Variants in SEC23A observed in about 807,000 individuals in gnomAD.
SEC23A encodes the protein SEC23 homolog A, COPII component, also known as protein transport protein Sec23A.
In SEC23A, 56 loss-of-function variants were observed where a neutral mutation model predicts 103.7. The observed-to-expected ratio is 0.54, with a 90% CI of 0.44 to 0.67. The LOEUF is 0.67. Ranked by LOEUF, SEC23A falls within the 30% of genes least tolerant of loss-of-function variation. The probability of loss-of-function intolerance (pLI) is 0.00; values close to 1 mark genes in which losing one functional copy is unlikely to be tolerated. For synonymous variants in SEC23A, 281 were observed against 293.0 expected (o/e 0.96, Z 0.42); for missense variants, 784 against 936.4 (o/e 0.84, Z 2.12).
Position 39,033,184 on chromosome 14 carries a change from A to C in SEC23A, c.*55T>G. On this transcript the variant is annotated 3_prime_UTR_variant, in exon 20 of 20. Transcript: ENST00000307712. ...CCACAGATAAATGGAAAAAGGAAAA[A>C]ATGAAATTTGAATATTATTTCATCT... The C allele has an allele frequency of 3.7e-6, 5 of 1,341,098 alleles. No individual in the cohort carries two copies. The highest frequency in any genetic ancestry group is 1.8e-4 in the Middle Eastern group (1 of 5,514). The allele number at this position is 1,341,098 out of a possible 1,614,324, so 83.1% of individuals were successfully genotyped here.
In SEC23A at chr14:39,042,774, T is replaced by C. The variant is rs779247642; in HGVS notation, c.1986+12A>G. 2.2e-5 allele frequency: 34 copies of C among 1,559,708 alleles called. No homozygotes were observed. Among genetic ancestry groups the C allele is most frequent in the African/African-American group, 9.5e-5 (7 of 73,718 alleles). The stretch of plus-strand genomic sequence containing the variant: ...TTTACATGCATAGCTTTAAATGCTA[T>C]TGAAATCTTACCTCACCATGATAAA... On this transcript the variant is annotated intron_variant, in intron 17 of 19. Transcript: ENST00000307712.
chr14:39,067,559 G>A (rs1000481003), intron 9 of SEC23A, among the ~76,000 whole-genome samples: 1 of 151,508 alleles, frequency 6.6e-6, no homozygotes, highest in Non-Finnish European at 1.5e-5. Flanking sequence ...TCTTTAAATA[G>A]GCAATATATC....
intron 14 of SEC23A, among the ~76,000 whole-genome samples, chr14:39,050,883 G>A (rs1277362996): frequency 6.6e-6 from 1 of 152,188 alleles, no homozygotes; most frequent in Non-Finnish European, 1.5e-5. Flanking sequence ...ACAAGGGACT[G>A]AGAATAGAGG....
intron 18 of SEC23A, chr14:39,039,704 C>T (rs1885573468): frequency 1.3e-5 from 2 of 152,556 alleles, no homozygotes; most frequent in Admixed American, 6.5e-5. Context: ...TAGTATCATA[C>T]AAAATCTTTT....
At chr14:39,073,603 C>CTTTTTTT (rs905464578) in intron 9 of SEC23A, among the ~76,000 whole-genome samples, 1 of 83,892 alleles carries the variant, frequency 1.2e-5, no homozygotes, top group Non-Finnish European at 2.3e-5. Flanking sequence ...TCTGATTCCT[C>CTTTTTTT]TTTTTTTTTT....
At chr14:39,039,712 T>G (rs1594433651) in intron 18 of SEC23A, 1 of 152,726 alleles carries the variant, frequency 6.5e-6, no homozygotes, top group Admixed American at 6.5e-5. Context: ...TACAAAATCT[T>G]TTTCTACTCT....
intron 19 of SEC23A, among the ~76,000 whole-genome samples, chr14:39,036,721 G>T (rs1046483242): frequency 6.6e-6 from 1 of 152,038 alleles, no homozygotes; most frequent in African/African-American, 2.4e-5. Flanking sequence ...TCTTTCCTAT[G>T]CTTGGTCTCC....
At chr14:39,102,183 G>T (rs1461475342) in intron 1 of SEC23A, among the ~76,000 whole-genome samples, 1 of 151,368 alleles carries the variant, frequency 6.6e-6, no homozygotes, top group African/African-American at 2.4e-5. Flanking sequence ...AGTGAGCCGA[G>T]ATTGCGCCAC....
Position 39,085,689 on chromosome 14 carries a change from TACACACACACACACACACACACACACAC to T in SEC23A, c.828+45_828+72del, listed in dbSNP as rs59136053. On this transcript the variant is annotated intron_variant, in intron 7 of 19. Transcript: ENST00000307712. ...TTCTTCTTATCCTTATAATTATATA[TACACACACACACACACACACACACACAC>T]ACACACACACACTTTACATTCCAAA... The T allele has an allele frequency of 5.7e-5, 68 of 1,196,414 alleles. 1 individual carries two copies. The highest frequency in any genetic ancestry group is 2.2e-4 in the Middle Eastern group (1 of 4,492). The allele number at this position is 1,196,414 out of a possible 1,614,324, so 74.1% of individuals were successfully genotyped here.
chr14:39,085,859 A>T lies in SEC23A; in HGVS notation c.731T>A (p.Leu244Gln), dbSNP rs1887424989. 6.2e-7 allele frequency: 1 copy of T among 1,613,868 alleles called. No individual in the cohort carries two copies. The highest frequency in any genetic ancestry group is 8.5e-7 in the Non-Finnish European group (1 of 1,179,764). ...QKIDMNLTDL[L>Q]GELQRDPWPV... ...CCAAGGGTCTCGCTGGAGTTCTCCC[A>T]GAAGATCTGTGAGATTCATGTCTAT... Residue 244 changes from leucine (L) to glutamine (Q), a missense_variant, in exon 7 of 20, where the codon CTG becomes CAG. Physicochemically the swap from Leu to Gln is moderately radical, Grantham distance 113. Around this residue, in one of 2 missense-constraint regions of SEC23A, gnomAD observed 683 missense variants for 774.2 expected, o/e 0.88. Transcript: ENST00000307712.
intron 19 of SEC23A, among the ~76,000 whole-genome samples, chr14:39,037,405 TA>T (rs1257266568): frequency 3.9e-5 from 6 of 152,202 alleles, no homozygotes; most frequent in African/African-American, 1.4e-4. Context: ...ACCTGTTTTT[TA>T]AAAATTCAAG....
chr14:39,098,984 CTG>C (rs1394790190), intron 1 of SEC23A, among the ~76,000 whole-genome samples: 1 of 151,730 alleles, frequency 6.6e-6, no homozygotes. Flanking sequence ...TTTTCAATGA[CTG>C]TTTTCTCAAT....
chr14:39,069,986 C>T (rs1036359191), intron 9 of SEC23A, among the ~76,000 whole-genome samples: 5 of 152,224 alleles, frequency 3.3e-5, no homozygotes, highest in African/African-American at 1.2e-4. Flanking sequence ...CCATACTTAT[C>T]CTATCTCCTC....
At chr14:39,094,424 ATATATATATATATATATATTTTTTTT>A (rs1566515103) in intron 2 of SEC23A, among the ~76,000 whole-genome samples, 801 of 58,596 alleles carry the variant, frequency 0.014, 164 homozygotes, top group African/African-American at 0.095. Flanking sequence ...ATATATATAT[ATATATATATATATATATATTTTTTTT>A]TTTTTTTTTT....
intron 9 of SEC23A, among the ~76,000 whole-genome samples, chr14:39,069,266 G>A (rs1007456164): frequency 3.3e-5 from 5 of 152,012 alleles, no homozygotes; most frequent in African/African-American, 7.3e-5. Context: ...TGAATTCAGC[G>A]ATCCTTTTAA....
At chr14:39,083,027 T>C (rs112403426) in intron 7 of SEC23A, among the ~76,000 whole-genome samples, 1,919 of 152,338 alleles carry the variant, frequency 0.013, 37 homozygotes, top group African/African-American at 0.041. Flanking sequence ...TAGCTGGTAG[T>C]AATGTATCAG....
chr14:39,091,455 AACT>A lies in SEC23A; in HGVS notation c.603+19_603+21del. On this transcript the variant is annotated intron_variant, in intron 5 of 19. Coordinates refer to ENST00000307712, the MANE Select transcript of SEC23A (RefSeq NM_006364.4). The stretch of plus-strand genomic sequence containing the variant: ...ATAGAGTAATTTTCAGATAGGTAAA[AACT>A]ACCATTCTTGTTGTTTACCTGCAGT... 6.4e-7 allele frequency: 1 copy of A among 1,569,716 alleles called. No homozygotes were observed.
At chr14:39,037,456 T>C (rs538676625) in intron 19 of SEC23A, among the ~76,000 whole-genome samples, 2 of 152,338 alleles carry the variant, frequency 1.3e-5, no homozygotes, top group East Asian at 3.9e-4. Context: ...TAAACACCCA[T>C]ATAGCATACC....
Position 39,048,688 on chromosome 14 carries a change from G to A in SEC23A, c.1701C>T (p.Ser567=), listed in dbSNP as rs2139199814. The A allele has an allele frequency of 1.3e-6, 2 of 1,594,552 alleles. No individual in the cohort carries two copies. Among genetic ancestry groups the A allele is most frequent in the African/African-American group, 1.3e-5 (1 of 74,766 alleles). Residue 567 remains serine, a synonymous_variant, in exon 15 of 20, where the codon TCC becomes TCT. Coordinates refer to ENST00000307712, the MANE Select transcript of SEC23A (RefSeq NM_006364.4). ...GGGAGAAAGTTTCTGAAAATCTGAA[G>A]GAACTTGGGTCATCTTTATGATATT... ...FGEYHKDDPS[S]FRFSETFSLY...
Sources: allele counts gnomAD v4.1 joint callset (sites outside exome capture counted in the v4.1 genomes callset), GRCh38; gene constraint gnomAD v4.1.1; regional missense constraint gnomAD v4.1.1; transcripts MANE v1.5; gene names NCBI Gene and HGNC (gene_info 2026-07-23, HGNC 2026-07-21).